Variants in ADAMTSL3 observed in about 807,000 individuals in gnomAD.
The protein encoded by ADAMTSL3 is ADAMTS-like protein 3.
Under a neutral mutation model 201.7 loss-of-function variants are expected in ADAMTSL3, and 128 were observed. That is an observed-to-expected ratio of 0.63 (90% CI 0.55 to 0.73). ADAMTSL3 has a LOEUF of 0.73. Ranked by LOEUF, ADAMTSL3 falls within the 30% of genes least tolerant of loss-of-function variation. The pLI is 0.00. For missense variants in ADAMTSL3, 1,990 were observed against 2,119.6 expected, an observed-to-expected ratio of 0.94 and a Z score of 1.20; for synonymous variants, 738 against 748.4, an observed-to-expected ratio of 0.99 and a Z score of 0.23.
At chr15:83,854,887 T>C (rs959212952) in intron 7 of ADAMTSL3, among the ~76,000 whole-genome samples, 7 of 152,252 alleles carry the variant, frequency 4.6e-5, no homozygotes, top group Non-Finnish European at 1.0e-4. Context: ...ACTGTCTTCT[T>C]TTGTCATAAT....
At chr15:83,880,967 T>A (rs527879580) in intron 9 of ADAMTSL3, among the ~76,000 whole-genome samples, 1 of 152,352 alleles carries the variant, frequency 6.6e-6, no homozygotes, top group African/African-American at 2.4e-5. Flanking sequence ...TTCTTGGTTA[T>A]TTTTAAAGTT....
At chr15:83,696,598 G>A (rs1389291909) in intron 2 of ADAMTSL3, among the ~76,000 whole-genome samples, 2 of 152,222 alleles carry the variant, frequency 1.3e-5, no homozygotes, top group Non-Finnish European at 2.9e-5. Context: ...GTCTGTCAGT[G>A]TAGATTTGAA....
chr15:83,991,151 G>C lies in ADAMTSL3; in HGVS notation c.3910G>C (p.Val1304Leu). The C allele has an allele frequency of 1.2e-6, 2 of 1,614,244 alleles. No homozygotes were observed. Among genetic ancestry groups the C allele is most frequent in the Non-Finnish European group, 1.7e-6 (2 of 1,180,038 alleles). Residue 1304 changes from valine to leucine, a missense_variant, in exon 23 of 30, where the codon GTG (valine) becomes CTG (leucine). Transcript: ENST00000286744. ...TKPEHNHLSV[V>L]VGGIVEAALG... ...ACCAGAGCACAACCATCTGTCTGTT[G>C]TGGTTGGAGGCATCGTGGAGGCAGC...
At chr15:83,957,267 C>T (rs557813009) in intron 19 of ADAMTSL3, among the ~76,000 whole-genome samples, 23 of 152,050 alleles carry the variant, frequency 1.5e-4, no homozygotes, top group Non-Finnish European at 2.9e-4. Flanking sequence ...TGAGTAAGTG[C>T]TGGTAGGTGA....
At chr15:83,741,659 A>T (rs2062457434) in intron 3 of ADAMTSL3, among the ~76,000 whole-genome samples, 1 of 152,198 alleles carries the variant, frequency 6.6e-6, no homozygotes, top group East Asian at 1.9e-4. Flanking sequence ...CCAACTCAAA[A>T]ACCATTGGAA....
At position 83,991,084 on chromosome 15, in the gene ADAMTSL3, A is replaced by G. The variant is rs762080534; in HGVS notation, c.3845-2A>G. 2 of 1,614,194 alleles carry G rather than the reference A, an allele frequency of 1.2e-6. No homozygotes were observed. The highest frequency in any genetic ancestry group is 1.7e-6 in the Non-Finnish European group (2 of 1,180,016). On this transcript the variant is annotated splice_acceptor_variant, in intron 22 of 29. Coordinates refer to ENST00000286744, the MANE Select transcript of ADAMTSL3 (RefSeq NM_207517.3). LOFTEE classifies it high-confidence loss of function. ...ATAGTTTCCTGCTCCCTTTGAATTA[A>G]GAGGCACCTGTCATCTTGTCTGTTG...
intron 4 of ADAMTSL3, among the ~76,000 whole-genome samples, chr15:83,775,861 C>T (rs1395851705): frequency 6.6e-6 from 1 of 152,140 alleles, no homozygotes; most frequent in Admixed American, 6.5e-5. Context: ...CTAGACATGC[C>T]CCCAGCTTCT....
At chr15:83,764,647 C>T (rs1229205767) in intron 3 of ADAMTSL3, among the ~76,000 whole-genome samples, 3 of 152,100 alleles carry the variant, frequency 2.0e-5, no homozygotes, top group South Asian at 2.1e-4. Context: ...CCCCATCTAG[C>T]GTGCAGGGCC....
At chr15:83,846,914 A>G (rs1302925301) in intron 7 of ADAMTSL3, among the ~76,000 whole-genome samples, 2 of 152,240 alleles carry the variant, frequency 1.3e-5, no homozygotes, top group Admixed American at 6.5e-5. Flanking sequence ...GCTGTGTGAC[A>G]TAGTCCCATC....
intron 9 of ADAMTSL3, among the ~76,000 whole-genome samples, chr15:83,872,005 G>A (rs1294874053): frequency 6.6e-6 from 1 of 152,162 alleles, no homozygotes. Flanking sequence ...AACATGCACG[G>A]AGGTAGATTA....
chr15:83,993,386 T>C lies in ADAMTSL3; in HGVS notation c.3973+2172T>C, dbSNP rs536693568. On this transcript the variant is annotated intron_variant, in intron 23 of 29. Transcript: ENST00000286744. ...TATAGATGAGTACATTAAAACATAATTTACAAAATTGAACTCTGCTTTACA... is the reference window on the plus strand; with the variant it reads ...TATAGATGAGTACATTAAAACATAACTTACAAAATTGAACTCTGCTTTACA... Among the ~76,000 whole-genome samples, 37 of 152,344 alleles carry C rather than the reference T, an allele frequency of 2.4e-4. 1 individual carries two copies. The South Asian group carries it at 7.7e-3, about 32-fold the overall frequency.
intron 2 of ADAMTSL3, among the ~76,000 whole-genome samples, chr15:83,692,460 C>T (rs1439390538): frequency 2.0e-5 from 3 of 151,714 alleles, no homozygotes; most frequent in South Asian, 2.1e-4. Flanking sequence ...CCGAGGTGGG[C>T]GGATCACGAG....
At chr15:83,998,668 CAG>C (rs2067734360) in intron 23 of ADAMTSL3, among the ~76,000 whole-genome samples, 1 of 152,178 alleles carries the variant, frequency 6.6e-6, no homozygotes, top group Non-Finnish European at 1.5e-5. Context: ...CTCATGGCCT[CAG>C]AACGCACAGC....
intron 23 of ADAMTSL3, among the ~76,000 whole-genome samples, chr15:83,999,210 C>T (rs1031511706): frequency 1.2e-4 from 18 of 152,144 alleles, no homozygotes; most frequent in Non-Finnish European, 2.5e-4. Flanking sequence ...ATTTAATAGC[C>T]ACACCAGTGT....
At chr15:83,926,725 C>T (rs2066253135) in intron 17 of ADAMTSL3, among the ~76,000 whole-genome samples, 1 of 151,774 alleles carries the variant, frequency 6.6e-6, no homozygotes, top group Admixed American at 6.6e-5. Context: ...AAGCGATTCT[C>T]CTGCCTCAGC....
chr15:83,724,715 A>G (rs903831038), intron 3 of ADAMTSL3, among the ~76,000 whole-genome samples: 2 of 152,062 alleles, frequency 1.3e-5, no homozygotes, highest in Middle Eastern at 3.4e-3. Flanking sequence ...CTTCCTAGCC[A>G]CTGGTGACCA....
At chr15:83,954,480 G>A (rs1373839597) in intron 19 of ADAMTSL3, among the ~76,000 whole-genome samples, 1 of 152,132 alleles carries the variant, frequency 6.6e-6, no homozygotes, top group Non-Finnish European at 1.5e-5. Context: ...TGGCTATTTT[G>A]AATTCTCTGT....
intron 13 of ADAMTSL3, 25 bp from the exon 14 acceptor site, chr15:83,897,833 T>C: frequency 6.4e-7 from 1 of 1,562,130 alleles, no homozygotes; most frequent in Non-Finnish European, 8.7e-7. Flanking sequence ...AAGAAATGCG[T>C]TGGCTTCTCT....
intron 3 of ADAMTSL3, among the ~76,000 whole-genome samples, chr15:83,760,717 A>G (rs2062795862): frequency 6.6e-6 from 1 of 152,148 alleles, no homozygotes; most frequent in Non-Finnish European, 1.5e-5. Context: ...AGTGAAATCA[A>G]ACTTCCAACA....
Sources: allele counts gnomAD v4.1 joint callset (sites outside exome capture counted in the v4.1 genomes callset), GRCh38; gene constraint gnomAD v4.1.1; transcripts MANE v1.5; gene names NCBI Gene and HGNC (gene_info 2026-07-23, HGNC 2026-07-21).